The following PWWP2A variants were observed in gnomAD, a reference collection of about 807,000 sequenced individuals.
The protein encoded by PWWP2A is PWWP domain-containing protein 2A.
A neutral mutation model predicts 48.5 loss-of-function variants in PWWP2A; 18 were observed. The ratio of observed to expected loss-of-function variants is 0.37; its 90% CI spans 0.26 to 0.55. The LOEUF is 0.55. Among genes scored for constraint, PWWP2A ranks in the 20% least tolerant of loss-of-function variants. The pLI is 0.81. For missense variants in PWWP2A, 867 were observed against 976.4 expected, an observed-to-expected ratio of 0.89 and a Z score of 1.49; for synonymous variants, 396 against 387.7, an observed-to-expected ratio of 1.02 and a Z score of -0.25.
chr5:160,059,623 A>T (rs973781607), downstream of PWWP2A, among the ~76,000 whole-genome samples: 4 of 152,208 alleles, frequency 2.6e-5, no homozygotes, highest in African/African-American at 9.6e-5. Flanking sequence ...GTTGTGGCTT[A>T]GGGAAGAGGG....
intron 1 of PWWP2A, chr5:160,113,232 T>C (rs1287130777): frequency 4.1e-6 from 4 of 982,880 alleles, no homozygotes; most frequent in South Asian, 4.7e-5. Context: ...AGTACCACTT[T>C]CTTTTCTTTC....
chr5:160,109,239 C>A (rs1282701554), intron 1 of PWWP2A, among the ~76,000 whole-genome samples: 4 of 152,096 alleles, frequency 2.6e-5, no homozygotes, highest in Non-Finnish European at 2.9e-5. Context: ...CCACCTCAGC[C>A]TCCCAAAATG....
At chr5:160,068,975 C>T (rs1225306982) in intron 2 of PWWP2A, among the ~76,000 whole-genome samples, 4 of 152,142 alleles carry the variant, frequency 2.6e-5, no homozygotes, top group Admixed American at 2.6e-4. Context: ...CAAATGTCAG[C>T]TTAGGAGGCT....
At chr5:160,073,149 A>C (rs2113446088), downstream of PWWP2A, among the ~76,000 whole-genome samples, 1 of 152,228 alleles carries the variant, frequency 6.6e-6, no homozygotes, top group South Asian at 2.1e-4. Flanking sequence ...TTGCTGTCAA[A>C]GGTCATTGAT....
downstream of PWWP2A, among the ~76,000 whole-genome samples, chr5:160,072,735 A>T (rs1753768019): frequency 6.6e-6 from 1 of 151,624 alleles, no homozygotes; most frequent in Non-Finnish European, 1.5e-5. Flanking sequence ...TCTCATAAAT[A>T]AATAAATAAA....
chr5:160,080,950 A>C (rs757476193), intron 2 of PWWP2A, among the ~76,000 whole-genome samples: 5 of 152,222 alleles, frequency 3.3e-5, no homozygotes, highest in Admixed American at 6.5e-5. Context: ...ATGAAAACAG[A>C]CTTGAGAGCT....
chr5:160,079,645 A>G (rs1754087355), intron 3 of PWWP2A, among the ~76,000 whole-genome samples: 1 of 152,200 alleles, frequency 6.6e-6, no homozygotes, highest in Non-Finnish European at 1.5e-5. Context: ...CCTTCTATTT[A>G]TGACTCAATA....
rs1758474077 is a variant in PWWP2A at position 160,119,227 on chromosome 5, A to G, written c.162T>C (p.Thr54=). The stretch of plus-strand genomic sequence containing the variant: ...CCTGAGGAGCGGATTGCTGCCCGTC[A>G]GTCTCGCCATCCGGCACAGACGCTT... ...ATEASVPDGE[T]DGQQSAPQAD... The change falls in exon 1 of 2, where the codon ACT becomes ACC. Residue 54 remains threonine, a synonymous_variant. Transcript: ENST00000307063. 7.0e-7 allele frequency: 1 copy of G among 1,437,090 alleles called. No homozygotes were observed. The highest frequency in any genetic ancestry group is 1.5e-5 in the African/African-American group (1 of 67,304). 89.0% of individuals were successfully genotyped at this position (1,437,090 alleles called of 1,614,324 possible). A position where few individuals can be genotyped will look rare whatever the true frequency, so the allele number is the denominator to read the frequency against.
At chr5:160,106,820 C>CTTTTTTTT (rs764479391) in intron 1 of PWWP2A, among the ~76,000 whole-genome samples, 20 of 119,764 alleles carry the variant, frequency 1.7e-4, no homozygotes, top group African/African-American at 4.9e-4. Context: ...AACCATTAAC[C>CTTTTTTTT]TTTTTTTTTT....
intron 1 of PWWP2A, among the ~76,000 whole-genome samples, chr5:160,109,575 G>A (rs1177699362): frequency 1.3e-5 from 2 of 151,146 alleles, no homozygotes; most frequent in African/African-American, 4.9e-5. Context: ...TTAGGACTGT[G>A]TTTAAGGGAT....
intron 1 of PWWP2A, among the ~76,000 whole-genome samples, chr5:160,109,800 T>A (rs1256658062): frequency 2.4e-5 from 3 of 124,836 alleles, no homozygotes; most frequent in Admixed American, 8.8e-5. Context: ...TATATATATA[T>A]ATATATATAA....
rs747361848 is a variant in PWWP2A at position 160,093,460 on chromosome 5, C to T, written c.1190G>A (p.Arg397Lys). The change falls in exon 2 of 2, where the codon AGA becomes AAA. Residue 397 changes from arginine to lysine, a missense_variant. This residue lies in a region of PWWP2A where 382 missense variants were observed against 407.2 expected (regional missense o/e 0.94). Coordinates refer to ENST00000307063, the MANE Select transcript of PWWP2A (RefSeq NM_001130864.2). The surrounding 1 kb of genome is among the most constrained non-coding windows in gnomAD (Gnocchi z 5.8). The stretch of plus-strand genomic sequence containing the variant: ...TGCCTGAGCAGAAACTTTTACTACT[C>T]TGCCTCTGCTGTGAGCAATATTTGA... The part of the protein sequence containing the change: ...KVSNIAHSRG[R>K]VVKVSAQANT... 3 of 1,613,630 alleles carry T rather than the reference C, an allele frequency of 1.9e-6. No individual in the cohort carries two copies. The highest frequency in any genetic ancestry group is 3.3e-5 in the Admixed American group (2 of 59,884).
the PWWP2A span, among the ~76,000 whole-genome samples, chr5:160,045,212 T>C: frequency 6.6e-6 from 1 of 152,148 alleles, no homozygotes; most frequent in African/African-American, 2.4e-5. Context: ...TTCATTTCCA[T>C]ATGAAACAGT....
the PWWP2A span, among the ~76,000 whole-genome samples, chr5:160,045,512 ACATACACACTCTCTCTCTCT>A: frequency 4.7e-5 from 2 of 42,842 alleles, no homozygotes; most frequent in African/African-American, 2.4e-4. Context: ...ACACACACAC[ACATACACACTCTCTCTCTCT>A]CTCTCTCTCT....
intron 2 of PWWP2A, among the ~76,000 whole-genome samples, chr5:160,085,078 G>C (rs1754524756): frequency 6.6e-6 from 1 of 152,034 alleles, no homozygotes; most frequent in Non-Finnish European, 1.5e-5. Flanking sequence ...ACCCAGGCTG[G>C]AGTGTGGTGG....
intron 1 of PWWP2A, chr5:160,108,474 A>C (rs1020060341): frequency 6.3e-5 from 40 of 632,558 alleles, no homozygotes; most frequent in Middle Eastern, 2.9e-4. Flanking sequence ...ACAATCATTC[A>C]AGCATACTAC....
chr5:160,071,959 A>G (rs1753749500), downstream of PWWP2A, among the ~76,000 whole-genome samples: 1 of 152,232 alleles, frequency 6.6e-6, no homozygotes, highest in Non-Finnish European at 1.5e-5. Context: ...TACTTGATAC[A>G]TACCCATACA....
At chr5:160,101,565 G>C (rs1237485208) in intron 1 of PWWP2A, among the ~76,000 whole-genome samples, 1 of 152,038 alleles carries the variant, frequency 6.6e-6, no homozygotes, top group Non-Finnish European at 1.5e-5. Context: ...AGTTTTGCAA[G>C]ATGAAAAACT....
At chr5:160,084,979 A>G (rs1754515868) in intron 2 of PWWP2A, among the ~76,000 whole-genome samples, 1 of 152,218 alleles carries the variant, frequency 6.6e-6, no homozygotes, top group African/African-American at 2.4e-5. Context: ...TAGTAAAAAA[A>G]AAAAGAAAAA....
Sources: allele counts gnomAD v4.1 joint callset (sites outside exome capture counted in the v4.1 genomes callset), GRCh38; gene constraint gnomAD v4.1.1; regional missense constraint gnomAD v4.1.1; non-coding constraint Gnocchi (gnomAD v3.1); transcripts MANE v1.5; gene names NCBI Gene and HGNC (gene_info 2026-07-23, HGNC 2026-07-21).